Variants in SCAPER observed in about 807,000 individuals in gnomAD.
SCAPER encodes S phase cyclin A-associated protein in the endoplasmic reticulum.
A neutral mutation model predicts 182.2 loss-of-function variants in SCAPER; 98 were observed. The observed-to-expected ratio is 0.54, with a 90% CI of 0.46 to 0.64. The LOEUF is 0.64. Among genes scored for constraint, SCAPER ranks in the 30% least tolerant of loss-of-function variants. The pLI is 0.00. For synonymous variants in SCAPER, 605 were observed against 564.6 expected (o/e 1.07, Z -1.01); for missense variants, 1,432 against 1,690.0 (o/e 0.85, Z 2.68).
At position 76,705,985 on chromosome 15, in the gene SCAPER, C is replaced by CT. The variant is rs769068576; in HGVS notation, c.2166-2dup. 1 of 1,543,582 alleles carries CT rather than the reference C, an allele frequency of 6.5e-7. No homozygotes were observed. Among genetic ancestry groups the CT allele is most frequent in the Non-Finnish European group, 8.7e-7 (1 of 1,147,118 alleles). On this transcript the variant is annotated splice_acceptor_variant, in intron 17 of 31. Transcript: ENST00000563290. LOFTEE classifies it high-confidence loss of function. ...TGCTGCCAATCGTTCTTCCCTGTCTCTGTAAGAAGACAGTAAAAATTATAA... is the reference window on the plus strand; with the variant it reads ...TGCTGCCAATCGTTCTTCCCTGTCTCTTGTAAGAAGACAGTAAAAATTATAA...
At chr15:76,670,004 A>G (rs185913778) in intron 20 of SCAPER, among the ~76,000 whole-genome samples, 3 of 152,324 alleles carry the variant, frequency 2.0e-5, no homozygotes, top group East Asian at 3.9e-4. Context: ...ATCAAGAATC[A>G]TATCTTTATT....
At chr15:76,593,843 G>T (rs1272570307) in intron 22 of SCAPER, among the ~76,000 whole-genome samples, 8 of 120,822 alleles carry the variant, frequency 6.6e-5, no homozygotes, top group East Asian at 2.2e-4. Context: ...AAGACCAAAG[G>T]TAGATAAATC....
intron 23 of SCAPER, among the ~76,000 whole-genome samples, chr15:76,536,325 C>A (rs2044156226): frequency 6.6e-6 from 1 of 152,010 alleles, no homozygotes; most frequent in African/African-American, 2.4e-5. Flanking sequence ...GAGACCTTGT[C>A]TTTAAAAAAA....
Position 76,828,451 on chromosome 15 carries a change from C to G in SCAPER, c.393+13283G>C, listed in dbSNP as rs1189228194. On this transcript the variant is annotated intron_variant, in intron 5 of 31. Coordinates refer to ENST00000563290, the MANE Select transcript of SCAPER (RefSeq NM_020843.4). ...GTATATGAAAACTAGATATAAGGAA[C>G]AAAGATCTGTCAACTCAGAAATTGT... 3.9e-5 allele frequency among the ~76,000 whole-genome samples: 6 copies of G among 152,078 alleles called. No individual in the cohort carries two copies. The South Asian group carries it at 1.2e-3, about 32-fold the overall frequency.
chr15:76,408,722 C>T (rs760032537), intron 26 of SCAPER, among the ~76,000 whole-genome samples: 5 of 151,544 alleles, frequency 3.3e-5, no homozygotes, highest in African/African-American at 7.3e-5. Context: ...CAAGCAAAGA[C>T]GGCTGGAACA....
intron 5 of SCAPER, among the ~76,000 whole-genome samples, chr15:76,816,654 A>AT (rs34237655): frequency 0.065 from 9,247 of 142,740 alleles, 324 homozygotes; most frequent in Middle Eastern, 0.11. Context: ...CAGTAACATA[A>AT]TTTTTTTTTT....
intron 27 of SCAPER, among the ~76,000 whole-genome samples, chr15:76,400,701 A>G (rs2044396477): frequency 6.6e-6 from 1 of 152,196 alleles, no homozygotes; most frequent in African/African-American, 2.4e-5. Flanking sequence ...CCAGGAAACC[A>G]CCTGGACCTT....
chr15:76,795,384 G>T lies in SCAPER; in HGVS notation c.668C>A (p.Ala223Asp). The T allele has an allele frequency of 6.2e-7, 1 of 1,610,206 alleles. No individual in the cohort carries two copies. Among genetic ancestry groups the T allele is most frequent in the Non-Finnish European group, 8.5e-7 (1 of 1,177,630 alleles). ...PRLAPTGVSWADKVKAHHTGS... is the reference protein window; with the variant it reads ...PRLAPTGVSWDDKVKAHHTGS... ...TGTATGATGAGCCTTTACCTTGTCA[G>T]CCCAACTGACACCTGTGGGAGCCAG... The change falls in exon 8 of 32, where the codon GCT becomes GAT. Residue 223 changes from alanine to aspartate, a missense_variant. Transcript: ENST00000563290.
chr15:76,409,937 G>A (rs1012633230), intron 26 of SCAPER, among the ~76,000 whole-genome samples: 1 of 151,422 alleles, frequency 6.6e-6, no homozygotes, highest in African/African-American at 2.4e-5. Context: ...ACAGGTGCAT[G>A]CCATCAGGCC....
intron 22 of SCAPER, among the ~76,000 whole-genome samples, chr15:76,616,447 G>C (rs2051493512): frequency 6.6e-6 from 1 of 152,098 alleles, no homozygotes; most frequent in South Asian, 2.1e-4. Context: ...AAAGTAGAAT[G>C]GTGGTTGCCA....
intron 22 of SCAPER, among the ~76,000 whole-genome samples, chr15:76,613,914 T>C (rs1352090784): frequency 1.3e-5 from 2 of 152,080 alleles, no homozygotes; most frequent in Non-Finnish European, 2.9e-5. Flanking sequence ...ACTGGACATA[T>C]ATCCAAAGGA....
In SCAPER at chr15:76,659,735, G is replaced by A. The variant is rs371718413; in HGVS notation, c.2645+5918C>T. Among the ~76,000 whole-genome samples, 5 of 151,692 alleles carry A rather than the reference G, an allele frequency of 3.3e-5. No individual in the cohort carries two copies. The East Asian group carries it at 5.8e-4, about 18-fold the overall frequency. The stretch of plus-strand genomic sequence containing the variant: ...AAAAAGTCAAAAAATAAATGCTGGC[G>A]AGGCTGTGGAAAACAGGGAATGCTT... On this transcript the variant is annotated intron_variant, in intron 21 of 31. Transcript: ENST00000563290.
intron 10 of SCAPER, among the ~76,000 whole-genome samples, chr15:76,768,396 T>G (rs1314001776): frequency 6.6e-6 from 1 of 152,118 alleles, no homozygotes; most frequent in South Asian, 2.1e-4. Flanking sequence ...TGAGACAAAC[T>G]AAGACATGAA....
At chr15:76,352,692 T>C (rs1421400773) in intron 30 of SCAPER, among the ~76,000 whole-genome samples, 2 of 151,952 alleles carry the variant, frequency 1.3e-5, no homozygotes, top group Non-Finnish European at 2.9e-5. Context: ...TCAAGTGATC[T>C]GCTCACCCCG....
At chr15:76,549,708 G>A (rs1337429561) in intron 23 of SCAPER, among the ~76,000 whole-genome samples, 1 of 150,594 alleles carries the variant, frequency 6.6e-6, no homozygotes, top group Non-Finnish European at 1.5e-5. Flanking sequence ...TAACTAACCT[G>A]CACGTTGTGC....
chr15:76,500,045 A>T (rs151014925), intron 24 of SCAPER, among the ~76,000 whole-genome samples: 2 of 152,226 alleles, frequency 1.3e-5, no homozygotes, highest in Non-Finnish European at 1.5e-5. Flanking sequence ...TTTAATCCTC[A>T]TAACAGTTCT....
intron 23 of SCAPER, among the ~76,000 whole-genome samples, chr15:76,516,856 C>T (rs1281979936): frequency 6.6e-6 from 1 of 152,148 alleles, no homozygotes; most frequent in African/African-American, 2.4e-5. Context: ...TATCAAATTA[C>T]CATCTTGGAG....
chr15:76,585,701 C>G (rs2048601350), intron 22 of SCAPER, among the ~76,000 whole-genome samples: 1 of 152,258 alleles, frequency 6.6e-6, no homozygotes, highest in Non-Finnish European at 1.5e-5. Flanking sequence ...AATGCCAAAT[C>G]AAGGGGATGC....
chr15:76,413,215 C>T (rs950918703), intron 26 of SCAPER, among the ~76,000 whole-genome samples: 1 of 151,976 alleles, frequency 6.6e-6, no homozygotes, highest in Non-Finnish European at 1.5e-5. Flanking sequence ...AAACTTTATG[C>T]CTTTTCTTTT....
Sources: allele counts gnomAD v4.1 joint callset (sites outside exome capture counted in the v4.1 genomes callset), GRCh38; gene constraint gnomAD v4.1.1; transcripts MANE v1.5; gene names NCBI Gene and HGNC (gene_info 2026-07-23, HGNC 2026-07-21).